PINK1: variants seen among roughly 807,000 people sequenced by gnomAD.
PINK1 encodes the protein serine/threonine-protein kinase PINK1, mitochondrial.
A neutral mutation model predicts 56.0 loss-of-function variants in PINK1; 58 were observed. That is an observed-to-expected ratio of 1.04 (90% CI 0.84 to 1.29). The LOEUF is 1.29. Ranked by LOEUF, PINK1 falls within the 50% of genes most tolerant of loss-of-function variation. The probability of loss-of-function intolerance (pLI) is 0.00; values close to 1 mark genes in which losing one functional copy is unlikely to be tolerated. For missense variants in PINK1, 745 were observed against 777.9 expected, an observed-to-expected ratio of 0.96 and a Z score of 0.50; for synonymous variants, 354 against 339.3, an observed-to-expected ratio of 1.04 and a Z score of -0.48.
chr1:20,648,534 T>C lies in PINK1; in HGVS notation c.1153T>C (p.Phe385Leu), dbSNP rs763416852. 2.2e-5 allele frequency: 36 copies of C among 1,614,000 alleles called. No individual in the cohort carries two copies. In the Middle Eastern group the frequency reaches 6.6e-4, roughly 29 times the overall value. The change falls in exon 6 of 8, where the codon TTT becomes CTT. Residue 385 changes from phenylalanine (F) to leucine (L), a missense_variant. By Grantham distance (22) the Phe-to-Leu change is conservative. Transcript: ENST00000321556. ...CTGCCCCTGGCTGGTGATCGCAGATTTTGGCTGCTGCCTGGCTGATGAGAG... is the reference window on the plus strand; with the variant it reads ...CTGCCCCTGGCTGGTGATCGCAGATCTTGGCTGCTGCCTGGCTGATGAGAG... ...DGCPWLVIAD[F>L]GCCLADESIG...
In PINK1 at chr1:20,638,142, C is replaced by T. The variant is rs1350469340; in HGVS notation, c.675+13C>T. 1.9e-6 allele frequency: 3 copies of T among 1,607,978 alleles called. No homozygotes were observed. The East Asian group carries it at 6.7e-5, about 36-fold the overall frequency. ...GTGGAACATCTCGGTAAGCACCAGG[C>T]CTTTCATCTTTAAAGGAGATGTTCT... On this transcript the variant is annotated intron_variant, in intron 2 of 7. Transcript: ENST00000321556.
rs2053265506 is a variant in PINK1 at position 20,650,995 on chromosome 1, G to A, written c.*304G>A. Reference sequence around the variant, plus strand: ...CAAGGCACTGGCTGTCAGTGGCAGAGTTTGGCTGTGACCTTTGCCCCTAAC... The same window carrying A: ...CAAGGCACTGGCTGTCAGTGGCAGAATTTGGCTGTGACCTTTGCCCCTAAC... On this transcript the variant is annotated 3_prime_UTR_variant, in exon 8 of 8. Coordinates refer to ENST00000321556, the MANE Select transcript of PINK1 (RefSeq NM_032409.3). 2.2e-6 allele frequency: 1 copy of A among 448,746 alleles called. No individual in the cohort carries two copies. Among genetic ancestry groups the A allele is most frequent in the South Asian group, 2.1e-5 (1 of 46,796 alleles). The allele number at this position is 448,746 out of a possible 1,614,324, so 27.8% of individuals were successfully genotyped here.
At chr1:20,634,844 T>G (rs1365797243) in intron 1 of PINK1, among the ~76,000 whole-genome samples, 2 of 152,084 alleles carry the variant, frequency 1.3e-5, no homozygotes, top group Non-Finnish European at 2.9e-5. Flanking sequence ...AGGGCTGAGG[T>G]GGTGGAAGAG....
chr1:20,637,516 G>C (rs1250873721), intron 1 of PINK1, among the ~76,000 whole-genome samples: 3 of 152,182 alleles, frequency 2.0e-5, no homozygotes, highest in Admixed American at 2.0e-4. Flanking sequence ...TCCATAATCA[G>C]ACACCTCCAG....
intron 3 of PINK1, 50 bp from the exon 4 acceptor site, chr1:20,644,440 G>T: frequency 1.9e-6 from 3 of 1,573,932 alleles, no homozygotes; most frequent in Non-Finnish European, 2.6e-6. Context: ...TTCTTTCCAG[G>T]TGTTGTATCT....
chr1:20,645,682 G>C lies in PINK1; in HGVS notation c.1082G>C (p.Arg361Thr). Residue 361 changes from arginine (R) to threonine (T), a missense_variant, in exon 5 of 8, where the codon AGA becomes ACA. Coordinates refer to ENST00000321556, the MANE Select transcript of PINK1 (RefSeq NM_032409.3). The part of the protein sequence containing the change: ...DHLVQQGIAH[R>T]DLKSDNILVE... ...CTGGTTCAACAGGGCATCGCGCACA[G>C]AGACCTGAAATCCGACAACATCCTT... The C allele has an allele frequency of 6.2e-7, 1 of 1,614,126 alleles. No individual in the cohort carries two copies. Among genetic ancestry groups the C allele is most frequent in the Non-Finnish European group, 8.5e-7 (1 of 1,180,042 alleles).
chr1:20,650,119 AT>A, intron 7 of PINK1: 3 of 427,342 alleles, frequency 7.0e-6, no homozygotes, highest in South Asian at 6.5e-5. Context: ...CAGTTATGAA[AT>A]GATAGAGGAG....
intron 5 of PINK1, among the ~76,000 whole-genome samples, chr1:20,646,465 G>A (rs2053182847): frequency 6.6e-6 from 1 of 151,882 alleles, no homozygotes; most frequent in South Asian, 2.1e-4. Flanking sequence ...CCAACATGGT[G>A]AAACCCCATC....
chr1:20,643,609 G>A (rs1210766807), intron 3 of PINK1, among the ~76,000 whole-genome samples: 2 of 152,184 alleles, frequency 1.3e-5, no homozygotes, highest in African/African-American at 4.8e-5. Flanking sequence ...GTCTTGTTCT[G>A]TGCCATAGTT....
Position 20,638,160 on chromosome 1 carries a change from G to C in PINK1, c.675+31G>C, listed in dbSNP as rs376992015. ...CACCAGGCCTTTCATCTTTAAAGGA[G>C]ATGTTCTCAAAATGCCCATCTTAGT... is the stretch of plus-strand genomic sequence containing the variant. On this transcript the variant is annotated intron_variant, in intron 2 of 7. Transcript: ENST00000321556. 11 of 1,601,338 alleles carry C rather than the reference G, an allele frequency of 6.9e-6. No homozygotes were observed. The African/African-American group carries it at 1.3e-4, about 19-fold the overall frequency.
intron 2 of PINK1, 40 bp from the exon 3 acceptor site, chr1:20,639,852 T>C: frequency 6.4e-7 from 1 of 1,572,384 alleles, no homozygotes; most frequent in Non-Finnish European, 8.7e-7. Flanking sequence ...ACCATTCTGC[T>C]CCGGCCTGTG....
rs1318236292 is a variant in PINK1 at position 20,650,562 on chromosome 1, G to A, written c.1617G>A (p.Leu539=). ...GWLLQQSAAT[L]LANRLTEKCC... Reference sequence around the variant, plus strand: ...TCCTCCAACAATCGGCCGCCACTTTGTTGGCCAACAGGCTCACAGAGAAGT... The same window carrying A: ...TCCTCCAACAATCGGCCGCCACTTTATTGGCCAACAGGCTCACAGAGAAGT... The change falls in exon 8 of 8, where the codon TTG becomes TTA. Residue 539 remains leucine (L), a synonymous_variant. Transcript: ENST00000321556. 1 of 1,614,226 alleles carries A rather than the reference G, an allele frequency of 6.2e-7. No homozygotes were observed. The highest frequency in any genetic ancestry group is 1.7e-5 in the Admixed American group (1 of 60,034).
rs2053261533 is a variant in PINK1, at chr1:20,650,814, A to G, written c.*123A>G. 4.3e-5 allele frequency: 58 copies of G among 1,337,618 alleles called. No homozygotes were observed. The South Asian group carries it at 7.2e-4, about 17-fold the overall frequency. 82.9% of individuals were successfully genotyped at this position (1,337,618 alleles called of 1,614,324 possible). A position where few individuals can be genotyped will look rare whatever the true frequency, so the allele number is the denominator to read the frequency against. On this transcript the variant is annotated 3_prime_UTR_variant, in exon 8 of 8. Transcript: ENST00000321556. ...AGCGCAGAGAGGGCTGGTTAGCCGG[A>G]AAAGGCCTCGGGCTTGGCAAATGGA...
At chr1:20,648,258 A>G in intron 5 of PINK1, 1 of 547,254 alleles carries the variant, frequency 1.8e-6, no homozygotes, top group East Asian at 3.3e-5. Context: ...TTACTAGAAC[A>G]TGATTTAAAT....
intron 1 of PINK1, among the ~76,000 whole-genome samples, chr1:20,634,405 A>G (rs964081129): frequency 1.3e-5 from 2 of 152,192 alleles, no homozygotes; most frequent in African/African-American, 2.4e-5. Context: ...GTAGTGACAG[A>G]GCTGAAACCG....
chr1:20,640,912 T>C (rs2053109379), intron 3 of PINK1, among the ~76,000 whole-genome samples: 1 of 152,110 alleles, frequency 6.6e-6, no homozygotes. Flanking sequence ...GGCAAATGCC[T>C]GTGATCCCAG....
intron 2 of PINK1, chr1:20,639,624 C>G: frequency 1.9e-6 from 1 of 524,616 alleles, no homozygotes; most frequent in East Asian, 3.6e-5. Context: ...ATATCCTGAT[C>G]ACCTTGGCAT....
At chr1:20,644,399 T>G in intron 3 of PINK1, 91 bp from the exon 4 acceptor site, 2 of 1,321,162 alleles carry the variant, frequency 1.5e-6, no homozygotes, top group Non-Finnish European at 2.2e-6. Flanking sequence ...ATAATGAATG[T>G]CAGTGCCAGT....
rs756677845 is a variant in PINK1 at position 20,638,073 on chromosome 1, CG to C, written c.620del (p.Arg207GlnfsTer14). Reference sequence around the variant, plus strand: ...CAGTGCACCAGGAGAAGGGCAGGAGCGAGCTCCGGGGGCCCCTGCCTTCCCC... The same window carrying C: ...CAGTGCACCAGGAGAAGGGCAGGAGCAGCTCCGGGGGCCCCTGCCTTCCCC... ...GTSAPGEGQERAPGAPAFPLA... is the reference protein window; with the variant it reads ...GTSAPGEGQEXAPGAPAFPLA... On this transcript the variant is annotated frameshift_variant, in exon 2 of 8. Coordinates refer to ENST00000321556, the MANE Select transcript of PINK1 (RefSeq NM_032409.3). LOFTEE classifies it high-confidence loss of function. 1.2e-6 allele frequency: 2 copies of C among 1,613,932 alleles called. No homozygotes were observed. The highest frequency in any genetic ancestry group is 1.7e-6 in the Non-Finnish European group (2 of 1,180,026).
Sources: gnomAD v4.1 joint callset for allele counts (sites outside exome capture counted in the v4.1 genomes callset) on GRCh38, gnomAD v4.1.1 for gene constraint, MANE v1.5 for transcripts, NCBI Gene and HGNC (gene_info 2026-07-23, HGNC 2026-07-21) for gene names.